The following LGR6 variants were observed in gnomAD, a reference collection of about 807,000 sequenced individuals.
LGR6 encodes leucine-rich repeat-containing G protein-coupled receptor 6.
Under a neutral mutation model 69.4 loss-of-function variants are expected in LGR6, and 45 were observed. The ratio of observed to expected loss-of-function variants is 0.65; its 90% CI spans 0.51 to 0.83. The LOEUF is 0.83. LGR6 is among the 40% of genes least tolerant of loss of function. The pLI is 0.00. For missense variants in LGR6, 1,108 were observed against 1,246.7 expected, an observed-to-expected ratio of 0.89 and a Z score of 1.68; for synonymous variants, 538 against 555.0, an observed-to-expected ratio of 0.97 and a Z score of 0.43.
intron 7 of LGR6, among the ~76,000 whole-genome samples, chr1:202,300,436 T>A (rs1667497047): frequency 6.6e-6 from 1 of 152,128 alleles, no homozygotes; most frequent in South Asian, 2.1e-4. Context: ...GGAGGATCAC[T>A]TTAGCCCAGG....
chr1:202,228,323 A>G (rs1660731140), intron 3 of LGR6, among the ~76,000 whole-genome samples: 1 of 152,220 alleles, frequency 6.6e-6, no homozygotes, highest in Admixed American at 6.5e-5. Flanking sequence ...ACAGACCCAC[A>G]GGTCTCTCCC....
At chr1:202,218,195 T>C (rs1203758713) in intron 1 of LGR6, among the ~76,000 whole-genome samples, 1 of 152,240 alleles carries the variant, frequency 6.6e-6, no homozygotes, top group Non-Finnish European at 1.5e-5. Context: ...GGTAACTTTG[T>C]TCCTCTGAGT....
intron 5 of LGR6, among the ~76,000 whole-genome samples, 174 bp from the exon 6 acceptor site, chr1:202,280,607 C>T (rs1665927845): frequency 6.6e-6 from 1 of 152,142 alleles, no homozygotes; most frequent in African/African-American, 2.4e-5. Context: ...GAGATTGTGG[C>T]TTCAGAAGTC....
At chr1:202,204,903 T>C (rs1571807462) in intron 1 of LGR6, among the ~76,000 whole-genome samples, 3 of 23,222 alleles carry the variant, frequency 1.3e-4, no homozygotes, top group African/African-American at 2.2e-4. Flanking sequence ...CACACACACC[T>C]CCAAACACAC....
At chr1:202,210,442 A>AAAC (rs1553239218) in intron 1 of LGR6, among the ~76,000 whole-genome samples, 70 of 151,572 alleles carry the variant, frequency 4.6e-4, no homozygotes, top group African/African-American at 1.6e-3. Flanking sequence ...AAAAAAAAAA[A>AAAC]ACAAAAACCC....
intron 4 of LGR6, among the ~76,000 whole-genome samples, chr1:202,245,363 C>G (rs1662566904): frequency 6.6e-6 from 1 of 152,158 alleles, no homozygotes; most frequent in Non-Finnish European, 1.5e-5. Context: ...GGTAATTTGG[C>G]TCCTGAGAGA....
At chr1:202,272,395 C>T (rs1323910520) in intron 4 of LGR6, among the ~76,000 whole-genome samples, 6 of 152,332 alleles carry the variant, frequency 3.9e-5, no homozygotes, top group Admixed American at 2.6e-4. Flanking sequence ...ATTCCACCTT[C>T]TTCATTTGCC....
At chr1:202,246,666 G>T (rs1442790439) in intron 4 of LGR6, among the ~76,000 whole-genome samples, 2 of 151,800 alleles carry the variant, frequency 1.3e-5, no homozygotes, top group African/African-American at 4.8e-5. Flanking sequence ...AAAATTCTGT[G>T]ACAGAAAAGT....
intron 6 of LGR6, among the ~76,000 whole-genome samples, chr1:202,283,344 G>A (rs1286853654): frequency 6.6e-6 from 1 of 152,230 alleles, no homozygotes. Context: ...GGGGCAGCCA[G>A]ATGTGGCAGG....
chr1:202,307,559 G>A (rs1422640952), intron 14 of LGR6, among the ~76,000 whole-genome samples, 158 bp downstream of exon 14: 1 of 152,210 alleles, frequency 6.6e-6, no homozygotes, highest in African/African-American at 2.4e-5. Context: ...GTTTGACAGA[G>A]TGTGGGGCCT....
intron 4 of LGR6, among the ~76,000 whole-genome samples, chr1:202,241,202 T>C (rs1662173906): frequency 6.6e-6 from 1 of 152,114 alleles, no homozygotes; most frequent in Non-Finnish European, 1.5e-5. Context: ...CAGGGAAGTA[T>C]GTAGAGGATG....
intron 4 of LGR6, among the ~76,000 whole-genome samples, chr1:202,247,323 C>G (rs1558033557): frequency 6.6e-6 from 1 of 152,208 alleles, no homozygotes; most frequent in Non-Finnish European, 1.5e-5. Context: ...CTCCACCCCC[C>G]AGGGGATTAG....
intron 7 of LGR6, among the ~76,000 whole-genome samples, chr1:202,298,220 G>A (rs900138477): frequency 2.6e-5 from 4 of 152,180 alleles, no homozygotes; most frequent in East Asian, 1.9e-4. Flanking sequence ...CTAAAACAGC[G>A]GTGGGAGTCC....
chr1:202,202,249 G>C (rs150874140), intron 1 of LGR6, among the ~76,000 whole-genome samples: 388 of 152,304 alleles, frequency 2.5e-3, no homozygotes, highest in Admixed American at 7.5e-3. Context: ...GCATGTTCTA[G>C]AGCAGGGTTT....
At chr1:202,296,652 A>G (rs975432627) in intron 6 of LGR6, among the ~76,000 whole-genome samples, 3 of 152,200 alleles carry the variant, frequency 2.0e-5, no homozygotes, top group African/African-American at 7.2e-5. Context: ...AGGCACGGAC[A>G]CAGAAGTTTC....
Position 202,314,872 on chromosome 1 carries a change from C to T in LGR6, c.1638C>T (p.Ser546=). The change falls in exon 17 of 18, where the codon AGC becomes AGT. Residue 546 remains serine (S), a synonymous_variant. Transcript: ENST00000367278. ...AGCCACACCCCAGTGTCCAGTGTAG[C>T]CCTACTCCAGGTGAGGTGGTGTCTG... ...DSKPHPSVQC[S]PTPGPFKPCE... 1 of 1,613,378 alleles carries T rather than the reference C, an allele frequency of 6.2e-7. No homozygotes were observed.
At chr1:202,308,094 C>T (rs1057300979) in intron 14 of LGR6, among the ~76,000 whole-genome samples, 2 of 152,166 alleles carry the variant, frequency 1.3e-5, no homozygotes, top group South Asian at 2.1e-4. Flanking sequence ...TGGGCTAGCT[C>T]CAGCCCTGGC....
chr1:202,239,791 A>G (rs776889418), intron 4 of LGR6, among the ~76,000 whole-genome samples: 35 of 152,164 alleles, frequency 2.3e-4, no homozygotes, highest in Non-Finnish European at 4.4e-5. Context: ...TACTGCCTAT[A>G]AGATCCTGGG....
chr1:202,208,655 G>C (rs1218017898), intron 1 of LGR6, among the ~76,000 whole-genome samples: 2 of 152,052 alleles, frequency 1.3e-5, no homozygotes, highest in Non-Finnish European at 2.9e-5. Context: ...CGCCACGCCA[G>C]CCCTCGCCTC....
Sources: gnomAD v4.1 joint callset for allele counts (sites outside exome capture counted in the v4.1 genomes callset) on GRCh38, gnomAD v4.1.1 for gene constraint, MANE v1.5 for transcripts, NCBI Gene and HGNC (gene_info 2026-07-23, HGNC 2026-07-21) for gene names.